The following KCND2 variants were observed in gnomAD, a reference collection of about 807,000 sequenced individuals.
KCND2 encodes the protein A-type voltage-gated potassium channel KCND2.
In KCND2, 16 loss-of-function variants were observed where a neutral mutation model predicts 54.4. The ratio of observed to expected loss-of-function variants is 0.29; its 90% CI spans 0.20 to 0.45. The LOEUF is 0.45. Ranked by LOEUF, KCND2 falls within the 20% of genes least tolerant of loss-of-function variation. The pLI is 1.00. For synonymous variants in KCND2, 317 were observed against 310.7 expected (o/e 1.02, Z -0.21); for missense variants, 486 against 824.2 (o/e 0.59, Z 5.02).
chr7:120,294,043 A>G (rs1369032025), intron 1 of KCND2, among the ~76,000 whole-genome samples: 1 of 152,006 alleles, frequency 6.6e-6, no homozygotes, highest in African/African-American at 2.4e-5. Flanking sequence ...TGATTTGCAA[A>G]GTTTAAGATT....
chr7:120,347,759 A>T (rs77085262), intron 1 of KCND2, among the ~76,000 whole-genome samples: 33 of 138,144 alleles, frequency 2.4e-4, no homozygotes, highest in Non-Finnish European at 1.5e-5. Context: ...CTCTGTCTCA[A>T]AAAAAAAAAA....
chr7:120,321,267 A>G (rs777351523), intron 1 of KCND2, among the ~76,000 whole-genome samples: 1 of 152,018 alleles, frequency 6.6e-6, no homozygotes, highest in African/African-American at 2.4e-5. Flanking sequence ...ATACAGTTAC[A>G]TCTATCTATG....
intron 1 of KCND2, among the ~76,000 whole-genome samples, chr7:120,330,687 G>C (rs1223864681): frequency 6.7e-6 from 1 of 148,806 alleles, no homozygotes; most frequent in Non-Finnish European, 1.5e-5. Flanking sequence ...AAAAGCACCA[G>C]AAGCTGTGGT....
chr7:120,519,346 A>AAAAAAC (rs1256490685), intron 1 of KCND2, among the ~76,000 whole-genome samples: 1 of 152,052 alleles, frequency 6.6e-6, no homozygotes, highest in African/African-American at 2.4e-5. Flanking sequence ...GACTTTTCTC[A>AAAAAAC]AAAAACAAAA....
chr7:120,317,767 A>C (rs1332433878), intron 1 of KCND2, among the ~76,000 whole-genome samples: 1 of 152,304 alleles, frequency 6.6e-6, no homozygotes, highest in East Asian at 1.9e-4. Context: ...GTGCATGTGT[A>C]ATTAAGTGTA....
rs186397162 is a variant in KCND2, at chr7:120,346,077, A to G, written c.1115+70330A>G. Among the ~76,000 whole-genome samples the G allele has an allele frequency of 6.0e-3, 913 of 152,142 alleles. 8 individuals are homozygous for G. Among genetic ancestry groups the G allele is most frequent in the Non-Finnish European group, 0.01 (696 of 67,984 alleles). On this transcript the variant is annotated intron_variant, in intron 1 of 5. Coordinates refer to ENST00000331113, the MANE Select transcript of KCND2 (RefSeq NM_012281.3). ...ATATCTCATTATGGTTTTGATATGCATTTTCCTAATAATTAGTGATATTGA... is the reference window on the plus strand; with the variant it reads ...ATATCTCATTATGGTTTTGATATGCGTTTTCCTAATAATTAGTGATATTGA...
chr7:120,747,711 G>C lies in KCND2; in HGVS notation c.1746G>C (p.Glu582Asp), dbSNP rs1383839894. 1 of 1,612,582 alleles carries C rather than the reference G, an allele frequency of 6.2e-7. No homozygotes were observed. The highest frequency in any genetic ancestry group is 1.7e-5 in the Admixed American group (1 of 59,908). The change falls in exon 6 of 6, where the codon GAG (glutamate) becomes GAC (aspartate). Residue 582 changes from glutamate (E) to aspartate (D), a missense_variant. By Grantham distance (45) the Glu-to-Asp change is conservative (BLOSUM62 2). Coordinates refer to ENST00000331113, the MANE Select transcript of KCND2 (RefSeq NM_012281.3). ...CCAGTTTAAATGCCAAAATGGAAGA[G>C]TGTGTTAAACTAAACTGTGAACAAC... ...SRSSLNAKME[E>D]CVKLNCEQPY...
At chr7:120,578,916 T>TCTCACACACACACACA (rs1554370790) in intron 1 of KCND2, among the ~76,000 whole-genome samples, 10 of 146,770 alleles carry the variant, frequency 6.8e-5, no homozygotes, top group African/African-American at 2.5e-4. Context: ...AGACCCTGTC[T>TCTCACACACACACACA]CACACACACA....
At chr7:120,734,589 C>T (rs1055464238) in intron 2 of KCND2, among the ~76,000 whole-genome samples, 1 of 152,074 alleles carries the variant, frequency 6.6e-6, no homozygotes, top group Admixed American at 6.6e-5. Context: ...CTTCCCTTCC[C>T]CAATCTTTGT....
In KCND2 at chr7:120,543,387, T is replaced by C. The variant is rs550800569; in HGVS notation, c.1116-189516T>C. 2.6e-5 allele frequency among the ~76,000 whole-genome samples: 4 copies of C among 152,032 alleles called. No homozygotes were observed. In the East Asian group the frequency reaches 7.7e-4, roughly 29 times the overall value. Reference sequence around the variant, plus strand: ...ATTTTCCAATTAGGACTAACAACTTTCCCCTTAAGAGATACACACAAAAAA... The same window carrying C: ...ATTTTCCAATTAGGACTAACAACTTCCCCCTTAAGAGATACACACAAAAAA... On this transcript the variant is annotated intron_variant, in intron 1 of 5. Coordinates refer to ENST00000331113, the MANE Select transcript of KCND2 (RefSeq NM_012281.3).
intron 1 of KCND2, among the ~76,000 whole-genome samples, chr7:120,397,073 C>A (rs1801165309): frequency 6.6e-6 from 1 of 151,910 alleles, no homozygotes. Context: ...GGAAAGAAGG[C>A]CCTATATCTA....
chr7:120,596,014 G>A (rs769655307), intron 1 of KCND2, among the ~76,000 whole-genome samples: 35 of 152,018 alleles, frequency 2.3e-4, no homozygotes, highest in South Asian at 4.1e-4. Flanking sequence ...TTTATTTGCC[G>A]TTTTGTTAGT....
intron 1 of KCND2, among the ~76,000 whole-genome samples, chr7:120,285,288 T>G (rs2116263845): frequency 6.6e-6 from 1 of 152,200 alleles, no homozygotes; most frequent in East Asian, 1.9e-4. Context: ...ATGGAAAACA[T>G]CAAACCTGAA....
intron 1 of KCND2, among the ~76,000 whole-genome samples, chr7:120,296,946 T>C (rs564054123): frequency 2.0e-5 from 3 of 152,256 alleles, no homozygotes; most frequent in Non-Finnish European, 2.9e-5. Flanking sequence ...GGAGGCATGA[T>C]AAACACAACT....
intron 1 of KCND2, among the ~76,000 whole-genome samples, chr7:120,515,411 AT>A (rs1364447787): frequency 5.3e-5 from 8 of 152,168 alleles, no homozygotes; most frequent in Admixed American, 5.3e-4. Flanking sequence ...TATATTAGAA[AT>A]TGTTTAAATA....
intron 1 of KCND2, among the ~76,000 whole-genome samples, chr7:120,322,953 A>G (rs748912881): frequency 5.9e-5 from 9 of 152,140 alleles, no homozygotes; most frequent in Non-Finnish European, 1.2e-4. Flanking sequence ...AGTATAAAAT[A>G]AATAGTTTTA....
At chr7:120,526,822 T>C (rs1292149520) in intron 1 of KCND2, among the ~76,000 whole-genome samples, 2 of 152,182 alleles carry the variant, frequency 1.3e-5, no homozygotes, top group African/African-American at 2.4e-5. Context: ...TCTGATTTTT[T>C]TCAATCTTTC....
chr7:120,436,591 C>G (rs1010237787), intron 1 of KCND2, among the ~76,000 whole-genome samples: 1 of 152,144 alleles, frequency 6.6e-6, no homozygotes, highest in Admixed American at 6.5e-5. Context: ...CAATCTCAGT[C>G]AGCCCTAACT....
At chr7:120,533,662 A>C (rs183853948) in intron 1 of KCND2, among the ~76,000 whole-genome samples, 1 of 152,232 alleles carries the variant, frequency 6.6e-6, no homozygotes, top group Admixed American at 6.6e-5. Flanking sequence ...ACTGCTGGTC[A>C]TATTAGTTGG....
Sources: allele counts gnomAD v4.1 joint callset (sites outside exome capture counted in the v4.1 genomes callset), GRCh38; gene constraint gnomAD v4.1.1; transcripts MANE v1.5; gene names NCBI Gene and HGNC (gene_info 2026-07-23, HGNC 2026-07-21).